PCDH15: variants seen among roughly 807,000 people sequenced by gnomAD.
The protein encoded by PCDH15 is protocadherin-15.
Under a neutral mutation model 178.5 loss-of-function variants are expected in PCDH15, and 129 were observed. The ratio of observed to expected loss-of-function variants is 0.72; its 90% CI spans 0.63 to 0.84. The LOEUF (loss-of-function observed/expected upper bound fraction) is 0.84, where lower values mean the gene tolerates loss of function less well. Among genes scored for constraint, PCDH15 ranks in the 40% least tolerant of loss-of-function variants. PCDH15 has a pLI of 0.00. For synonymous variants in PCDH15, 800 were observed against 732.0 expected, an observed-to-expected ratio of 1.09 and a Z score of -1.50; for missense variants, 2,230 against 2,099.9, an observed-to-expected ratio of 1.06 and a Z score of -1.21.
intron 2 of PCDH15, among the ~76,000 whole-genome samples, chr10:54,557,364 C>G (rs765430844): frequency 1.1e-4 from 16 of 152,130 alleles, no homozygotes; most frequent in Non-Finnish European, 1.6e-4. Context: ...AATTTAGACA[C>G]TATACTTTCA....
chr10:53,845,622 G>T (rs923217697), intron 28 of PCDH15, among the ~76,000 whole-genome samples: 1 of 151,772 alleles, frequency 6.6e-6, no homozygotes, highest in Non-Finnish European at 1.5e-5. Context: ...AATAAGCCAG[G>T]CAAAGAAGAA....
chr10:54,100,047 C>T (rs966191359), intron 15 of PCDH15, among the ~76,000 whole-genome samples: 1 of 152,082 alleles, frequency 6.6e-6, no homozygotes, highest in South Asian at 2.1e-4. Context: ...ATATTTAATA[C>T]ACTTCAGAAT....
chr10:54,725,152 GAA>G (rs1042165864), intron 1 of PCDH15, among the ~76,000 whole-genome samples: 3 of 151,236 alleles, frequency 2.0e-5, no homozygotes, highest in African/African-American at 7.3e-5. Flanking sequence ...GAGCCATTCT[GAA>G]AAATAAATTA....
At position 55,151,739 on chromosome 10, in the gene PCDH15, T is replaced by C. The variant is rs1404324055; in HGVS notation, c.-80+14837A>G. On this transcript the variant is annotated intron_variant, in intron 2 of 5. Coordinates refer to the PCDH15 transcript ENST00000458638. ...GTTGTATTTTTAAATAAAATATAACTGACTTTTATTATGTTTCTGTTTAAT... is the reference window on the plus strand; with the variant it reads ...GTTGTATTTTTAAATAAAATATAACCGACTTTTATTATGTTTCTGTTTAAT... Among the ~76,000 whole-genome samples the C allele has an allele frequency of 3.3e-5, 5 of 152,116 alleles. No individual in the cohort carries two copies. In the South Asian group the frequency reaches 1.0e-3, roughly 31 times the overall value.
At chr10:55,379,679 A>G (rs1446630703) in intron 2 of PCDH15, among the ~76,000 whole-genome samples, 1 of 151,992 alleles carries the variant, frequency 6.6e-6, no homozygotes, top group Non-Finnish European at 1.5e-5. Flanking sequence ...ATAACCTCAA[A>G]TACTATATTT....
intron 3 of PCDH15, chr10:54,897,396 C>G (rs1402771280): frequency 3.9e-5 from 6 of 152,032 alleles, no homozygotes; most frequent in Admixed American, 3.9e-4. Flanking sequence ...GTTTGTAAAC[C>G]GTTGACATGA....
At chr10:55,472,134 CCTCT>C (rs1839968748) in intron 2 of PCDH15, among the ~76,000 whole-genome samples, 1 of 152,040 alleles carries the variant, frequency 6.6e-6, no homozygotes, top group African/African-American at 2.4e-5. Context: ...TCTTACTTTC[CCTCT>C]CTCTTTGTGC....
intron 26 of PCDH15, among the ~76,000 whole-genome samples, chr10:53,870,925 C>T (rs2079797315): frequency 6.6e-6 from 1 of 152,122 alleles, no homozygotes. Context: ...AGTTTCAGCA[C>T]AGAGTATATT....
intron 3 of PCDH15, among the ~76,000 whole-genome samples, chr10:54,492,562 T>G (rs955613819): frequency 2.6e-5 from 4 of 152,148 alleles, no homozygotes; most frequent in Non-Finnish European, 5.9e-5. Context: ...CCAAAATTAT[T>G]AAATGGATAA....
At chr10:55,595,472 T>C (rs1263366489) in intron 2 of PCDH15, among the ~76,000 whole-genome samples, 1 of 152,064 alleles carries the variant, frequency 6.6e-6, no homozygotes, top group Non-Finnish European at 1.5e-5. Context: ...TTTAAGCTCC[T>C]GATACAAAGC....
At chr10:55,380,748 A>G (rs1012425826) in intron 2 of PCDH15, among the ~76,000 whole-genome samples, 21 of 152,138 alleles carry the variant, frequency 1.4e-4, no homozygotes, top group African/African-American at 4.6e-4. Flanking sequence ...ACTACACCAT[A>G]AATAATAAAG....
chr10:55,371,873 G>A (rs981755762), intron 2 of PCDH15, among the ~76,000 whole-genome samples: 1 of 152,062 alleles, frequency 6.6e-6, no homozygotes, highest in Non-Finnish European at 1.5e-5. Context: ...TAAGTAATAT[G>A]TTTTAATATC....
chr10:54,420,959 T>C (rs552255112), intron 3 of PCDH15, among the ~76,000 whole-genome samples: 1 of 152,222 alleles, frequency 6.6e-6, no homozygotes, highest in Middle Eastern at 3.4e-3. Flanking sequence ...AGAGATAGGC[T>C]TTAATAGGCA....
intron 2 of PCDH15, among the ~76,000 whole-genome samples, chr10:55,538,767 T>C (rs1438738869): frequency 8.3e-6 from 1 of 119,994 alleles, no homozygotes; most frequent in African/African-American, 3.2e-5. Context: ...TTCCTTCCTT[T>C]CCTTCCTTCC....
rs529279849 is a variant in PCDH15 at position 54,592,591 on chromosome 10, T to G, written c.92-64714A>C. On this transcript the variant is annotated intron_variant, in intron 2 of 37. Coordinates refer to ENST00000644397, the MANE Select transcript of PCDH15 (RefSeq NM_001384140.1). ...ATATGCCACATTTTCCTTATTCATT[T>G]ATCTGTCCATGGACACTTAAGTTGT... 4.6e-5 allele frequency among the ~76,000 whole-genome samples: 7 copies of G among 152,328 alleles called. No individual in the cohort carries two copies. The East Asian group carries it at 7.7e-4, about 17-fold the overall frequency.
intron 3 of PCDH15, among the ~76,000 whole-genome samples, chr10:54,459,151 G>A (rs2077015108): frequency 6.6e-6 from 1 of 152,026 alleles, no homozygotes; most frequent in East Asian, 1.9e-4. Context: ...GTGTGTCTGT[G>A]TGAGTGTGCC....
intron 10 of PCDH15, among the ~76,000 whole-genome samples, chr10:54,208,738 C>T (rs139717899): frequency 2.0e-5 from 3 of 151,702 alleles, no homozygotes; most frequent in South Asian, 2.1e-4. Flanking sequence ...TGTGCGTGTG[C>T]GTGTGCATGT....
intron 3 of PCDH15, among the ~76,000 whole-genome samples, chr10:54,515,091 C>A (rs555260540): frequency 2.0e-5 from 3 of 152,260 alleles, no homozygotes; most frequent in Non-Finnish European, 4.4e-5. Flanking sequence ...TCTGAGGTAC[C>A]GGGTTCATCT....
intron 10 of PCDH15, among the ~76,000 whole-genome samples, chr10:54,209,358 G>A (rs924405365): frequency 1.3e-5 from 2 of 152,062 alleles, no homozygotes; most frequent in Admixed American, 6.6e-5. Flanking sequence ...GACTGCTTGT[G>A]TAAGATCATG....
Sources: allele counts gnomAD v4.1 joint callset (sites outside exome capture counted in the v4.1 genomes callset), GRCh38; gene constraint gnomAD v4.1.1; transcripts MANE v1.5; gene names NCBI Gene and HGNC (gene_info 2026-07-23, HGNC 2026-07-21).